NTM: variants seen among roughly 807,000 people sequenced by gnomAD.
NTM encodes neurotrimin.
NTM carries 13 observed loss-of-function variants against 42.1 expected under a neutral mutation model. The observed-to-expected ratio is 0.31, with a 90% CI of 0.20 to 0.49. NTM has a LOEUF of 0.49. Ranked by LOEUF, NTM falls within the 20% of genes least tolerant of loss-of-function variation. The pLI is 0.99. For missense variants in NTM, 373 were observed against 452.8 expected (o/e 0.82, Z 1.60); for synonymous variants, 187 against 179.2 (o/e 1.04, Z -0.35).
intron 1 of NTM, among the ~76,000 whole-genome samples, chr11:131,435,334 T>C (rs543101659): frequency 1.3e-5 from 2 of 152,374 alleles, no homozygotes; most frequent in East Asian, 3.9e-4. Context: ...AAGAAAGTCA[T>C]TGGGAGCTTG....
intron 2 of NTM, among the ~76,000 whole-genome samples, chr11:132,105,100 T>G (rs1164939428): frequency 6.7e-6 from 1 of 150,348 alleles, no homozygotes; most frequent in Non-Finnish European, 1.5e-5. Flanking sequence ...AGACCTCAGG[T>G]TCACTGTGTC....
chr11:131,937,834 G>A (rs770632841), intron 2 of NTM, among the ~76,000 whole-genome samples: 6 of 152,132 alleles, frequency 3.9e-5, no homozygotes, highest in East Asian at 3.9e-4. Flanking sequence ...ATTTTGTAGG[G>A]CATGTTCAGC....
At chr11:131,860,636 A>C (rs77457346) in intron 1 of NTM, among the ~76,000 whole-genome samples, 3 of 152,188 alleles carry the variant, frequency 2.0e-5, no homozygotes, top group Non-Finnish European at 1.5e-5. Context: ...TTACTAGTTA[A>C]CGAACAGTGG....
At chr11:131,869,256 C>T (rs1277768646) in intron 1 of NTM, among the ~76,000 whole-genome samples, 4 of 152,214 alleles carry the variant, frequency 2.6e-5, no homozygotes, top group East Asian at 1.9e-4. Context: ...AGGGAACAGG[C>T]GCAAACTCAT....
chr11:132,137,387 A>G (rs1403111352), intron 2 of NTM, among the ~76,000 whole-genome samples: 2 of 152,210 alleles, frequency 1.3e-5, no homozygotes, highest in Non-Finnish European at 2.9e-5. Flanking sequence ...CAAGTGTGCT[A>G]CCATCTATAA....
chr11:132,131,841 C>T (rs2066882476), intron 2 of NTM, among the ~76,000 whole-genome samples: 2 of 152,108 alleles, frequency 1.3e-5, no homozygotes, highest in African/African-American at 4.8e-5. Flanking sequence ...GCCCCCCGCT[C>T]CCACTGCCTG....
intron 1 of NTM, among the ~76,000 whole-genome samples, chr11:131,436,652 C>G: frequency 6.6e-6 from 1 of 152,026 alleles, no homozygotes; most frequent in African/African-American, 2.4e-5. Flanking sequence ...TTTTTTATTG[C>G]ATCTATTTGA....
intron 2 of NTM, among the ~76,000 whole-genome samples, chr11:132,078,658 G>A (rs772060241): frequency 2.4e-4 from 36 of 152,152 alleles, no homozygotes; most frequent in Admixed American, 3.9e-4. Context: ...TTTTCTAAAC[G>A]TTTTACATTC....
At chr11:132,254,509 CTG>C (rs1203129242) in intron 4 of NTM, among the ~76,000 whole-genome samples, 2 of 152,092 alleles carry the variant, frequency 1.3e-5, no homozygotes, top group Admixed American at 6.5e-5. Context: ...AAGTGTCTCT[CTG>C]TGCTCCGCCG....
intron 1 of NTM, among the ~76,000 whole-genome samples, chr11:131,522,045 A>T (rs2049811438): frequency 1.3e-5 from 2 of 152,214 alleles, no homozygotes; most frequent in African/African-American, 2.4e-5. Flanking sequence ...AGGCAGATAT[A>T]TGAAAAGACT....
intron 1 of NTM, among the ~76,000 whole-genome samples, chr11:131,776,397 G>C (rs1477200299): frequency 1.3e-5 from 2 of 152,136 alleles, no homozygotes; most frequent in African/African-American, 2.4e-5. Flanking sequence ...CTAGCATTCT[G>C]GCTCTTTCCT....
chr11:132,287,205 C>T (rs1160114701), intron 4 of NTM, among the ~76,000 whole-genome samples: 1 of 152,164 alleles, frequency 6.6e-6, no homozygotes, highest in Non-Finnish European at 1.5e-5. Context: ...GGGTGTAAAG[C>T]TGAGTAATTT....
chr11:132,290,771 A>G (rs1331200827), intron 4 of NTM, among the ~76,000 whole-genome samples: 1 of 152,216 alleles, frequency 6.6e-6, no homozygotes, highest in African/African-American at 2.4e-5. Flanking sequence ...GTTAAGATGT[A>G]CAGTGAATTG....
intron 1 of NTM, among the ~76,000 whole-genome samples, chr11:131,794,224 A>G (rs2136172694): frequency 6.6e-6 from 1 of 152,232 alleles, no homozygotes; most frequent in Middle Eastern, 3.4e-3. Flanking sequence ...TTGGGAGGGT[A>G]GATCATCTCT....
At chr11:131,911,301 T>C in intron 1 of NTM, 1 of 1,436,982 alleles carries the variant, frequency 7.0e-7, no homozygotes, top group Non-Finnish European at 9.1e-7. Flanking sequence ...AGGCTGGATT[T>C]GGGGGAGGAA....
chr11:131,677,424 G>A (rs1430716957), intron 1 of NTM, among the ~76,000 whole-genome samples: 4 of 152,168 alleles, frequency 2.6e-5, no homozygotes. Flanking sequence ...TAACATATCA[G>A]CGAGGTGCCT....
At chr11:132,324,613 A>G (rs2095640444) in intron 7 of NTM, among the ~76,000 whole-genome samples, 1 of 145,874 alleles carries the variant, frequency 6.9e-6, no homozygotes, top group Non-Finnish European at 1.5e-5. Context: ...TAATTTACAG[A>G]TTCAATGCCA....
chr11:131,712,112 C>A (rs2077219478), intron 1 of NTM, among the ~76,000 whole-genome samples: 2 of 145,000 alleles, frequency 1.4e-5, no homozygotes, highest in South Asian at 4.4e-4. Flanking sequence ...TGCACATGTA[C>A]CCTAAAACTT....
At chr11:131,814,882 A>G (rs2092885547) in intron 1 of NTM, among the ~76,000 whole-genome samples, 1 of 152,152 alleles carries the variant, frequency 6.6e-6, no homozygotes, top group South Asian at 2.1e-4. Flanking sequence ...AGCAATCACC[A>G]AGTAAACTCT....
Sources: allele counts gnomAD v4.1 joint callset (sites outside exome capture counted in the v4.1 genomes callset), GRCh38; gene constraint gnomAD v4.1.1; transcripts MANE v1.5; gene names NCBI Gene and HGNC (gene_info 2026-07-23, HGNC 2026-07-21).